The following FAM81A variants were observed in gnomAD, a reference collection of about 807,000 sequenced individuals.
The protein encoded by FAM81A is protein FAM81A.
FAM81A carries 19 observed loss-of-function variants against 46.7 expected under a neutral mutation model. The ratio of observed to expected loss-of-function variants is 0.41; its 90% CI spans 0.28 to 0.60. The LOEUF (loss-of-function observed/expected upper bound fraction) is 0.60. Among genes scored for constraint, FAM81A ranks in the 20% least tolerant of loss-of-function variants. The pLI is 0.34. For synonymous variants in FAM81A, 183 were observed against 152.9 expected (o/e 1.20, Z -1.45); for missense variants, 377 against 453.5 (o/e 0.83, Z 1.53).
At chr15:59,433,342 A>G (rs565999551), upstream of FAM81A, among the ~76,000 whole-genome samples, 1 of 151,934 alleles carries the variant, frequency 6.6e-6, no homozygotes, top group South Asian at 2.1e-4. Flanking sequence ...GCTCACTTGT[A>G]TGCTATATAA....
At chr15:59,436,478 T>C (rs2081244025), upstream of FAM81A, among the ~76,000 whole-genome samples, 1 of 152,182 alleles carries the variant, frequency 6.6e-6, no homozygotes, top group African/African-American at 2.4e-5. Flanking sequence ...GGGGACGTTA[T>C]GTGTCCATCT....
intron 4 of FAM81A, among the ~76,000 whole-genome samples, chr15:59,505,875 C>T (rs2082143941): frequency 2.0e-5 from 3 of 152,190 alleles, no homozygotes; most frequent in African/African-American, 7.2e-5. Flanking sequence ...TGTCACTAAT[C>T]CTCCAGTTTT....
At chr15:59,483,893 A>T (rs375361929) in intron 3 of FAM81A, among the ~76,000 whole-genome samples, 4 of 152,100 alleles carry the variant, frequency 2.6e-5, no homozygotes, top group Admixed American at 2.0e-4. Flanking sequence ...TGCCCCATGG[A>T]GGGGTGGACA....
chr15:59,493,252 C>T lies in FAM81A; in HGVS notation c.413+863C>T, dbSNP rs570956120. Among the ~76,000 whole-genome samples the T allele has an allele frequency of 2.0e-5, 3 of 152,260 alleles. No individual in the cohort carries two copies. The East Asian group carries it at 5.8e-4, about 29-fold the overall frequency. On this transcript the variant is annotated intron_variant, in intron 4 of 8. Coordinates refer to ENST00000288228, the MANE Select transcript of FAM81A (RefSeq NM_152450.3). ...GGAGTAGTATTAGGGTGTCTTTGTG[C>T]AGACAACGTGTCGAGGGCCTTGAAT... is the stretch of plus-strand genomic sequence containing the variant.
chr15:59,511,462 G>A (rs1464173665), intron 6 of FAM81A, among the ~76,000 whole-genome samples: 3 of 152,174 alleles, frequency 2.0e-5, no homozygotes, highest in African/African-American at 7.2e-5. Flanking sequence ...TCAGATATGT[G>A]AAAGTGTTAG....
intron 2 of FAM81A, among the ~76,000 whole-genome samples, chr15:59,416,154 A>G (rs2081145783): frequency 6.6e-6 from 1 of 152,222 alleles, no homozygotes; most frequent in Non-Finnish European, 1.5e-5. Context: ...TGGGTACAGG[A>G]CATTTATTTG....
intron 3 of FAM81A, among the ~76,000 whole-genome samples, chr15:59,488,451 A>T (rs1468796411): frequency 6.6e-6 from 1 of 152,222 alleles, no homozygotes; most frequent in Non-Finnish European, 1.5e-5. Flanking sequence ...AAGAAAGGGC[A>T]TCCAAATTGG....
chr15:59,469,599 C>CTG (rs1178815542), intron 3 of FAM81A, among the ~76,000 whole-genome samples: 4 of 151,792 alleles, frequency 2.6e-5, no homozygotes, highest in African/African-American at 9.7e-5. Flanking sequence ...TATTTTGAGC[C>CTG]TGTGTGTGTC....
chr15:59,469,736 G>A (rs2081660940), intron 3 of FAM81A, among the ~76,000 whole-genome samples: 1 of 152,134 alleles, frequency 6.6e-6, no homozygotes, highest in Admixed American at 6.5e-5. Context: ...AGATTATTAT[G>A]TGTGAATTTG....
At chr15:59,488,839 G>C (rs535313601) in intron 3 of FAM81A, among the ~76,000 whole-genome samples, 2 of 152,028 alleles carry the variant, frequency 1.3e-5, no homozygotes, top group African/African-American at 2.4e-5. Context: ...ATAGCTGAGC[G>C]TGCTGCTGTG....
intron 4 of FAM81A, among the ~76,000 whole-genome samples, chr15:59,502,592 C>T (rs1321167774): frequency 1.3e-5 from 2 of 151,668 alleles, no homozygotes; most frequent in African/African-American, 2.4e-5. Flanking sequence ...CGGCTCACTG[C>T]AATCTCTGCC....
At chr15:59,520,163 A>G (rs113314509) in intron 8 of FAM81A, among the ~76,000 whole-genome samples, 7,771 of 152,058 alleles carry the variant, frequency 0.051, 234 homozygotes, top group African/African-American at 0.087. Context: ...GCCCAAGACA[A>G]TTCTTTCAGT....
chr15:59,435,319 CA>C (rs1224677272), upstream of FAM81A, among the ~76,000 whole-genome samples: 2 of 151,732 alleles, frequency 1.3e-5, no homozygotes, highest in Non-Finnish European at 2.9e-5. Context: ...CAAAGCAAAA[CA>C]AAAAAATTCC....
chr15:59,487,839 G>A (rs766078163), intron 3 of FAM81A, among the ~76,000 whole-genome samples: 1 of 152,052 alleles, frequency 6.6e-6, no homozygotes, highest in Non-Finnish European at 1.5e-5. Flanking sequence ...AGAATTAATA[G>A]CAATCATACT....
chr15:59,400,249 G>A (rs1357423781), intron 1 of FAM81A, among the ~76,000 whole-genome samples: 2 of 147,906 alleles, frequency 1.4e-5, no homozygotes, highest in Non-Finnish European at 3.0e-5. Flanking sequence ...ATACCAGAGC[G>A]AGAAAGTCAG....
At chr15:59,509,910 C>T (rs191745026) in intron 6 of FAM81A, among the ~76,000 whole-genome samples, 10 of 152,124 alleles carry the variant, frequency 6.6e-5, no homozygotes, top group Admixed American at 6.5e-4. Flanking sequence ...TTTTTTGTGA[C>T]AGCAATAGAC....
intron 3 of FAM81A, among the ~76,000 whole-genome samples, chr15:59,462,804 T>C (rs1247825831): frequency 2.6e-5 from 4 of 152,348 alleles, no homozygotes; most frequent in African/African-American, 7.2e-5. Flanking sequence ...CTTAGCATAA[T>C]GTTTTCAAGG....
At chr15:59,500,882 G>T (rs1269924974) in intron 4 of FAM81A, among the ~76,000 whole-genome samples, 1 of 151,844 alleles carries the variant, frequency 6.6e-6, no homozygotes, top group Non-Finnish European at 1.5e-5. Context: ...TTTATTTGAA[G>T]AAACATTGTT....
intron 2 of FAM81A, among the ~76,000 whole-genome samples, chr15:59,416,871 A>G (rs2081148894): frequency 6.6e-6 from 1 of 152,174 alleles, no homozygotes; most frequent in Admixed American, 6.5e-5. Context: ...TTGTGCAACT[A>G]TTTGAACTTA....
Sources: allele counts gnomAD v4.1 joint callset (sites outside exome capture counted in the v4.1 genomes callset), GRCh38; gene constraint gnomAD v4.1.1; transcripts MANE v1.5; gene names NCBI Gene and HGNC (gene_info 2026-07-23, HGNC 2026-07-21).